Variants in SIPA1L3 observed in about 807,000 individuals in gnomAD.
SIPA1L3 encodes signal-induced proliferation-associated 1-like protein 3.
A neutral mutation model predicts 150.1 loss-of-function variants in SIPA1L3; 59 were observed. That is an observed-to-expected ratio of 0.39 (90% CI 0.32 to 0.49). The LOEUF (loss-of-function observed/expected upper bound fraction) is 0.49, where lower values mean the gene tolerates loss of function less well. Among genes scored for constraint, SIPA1L3 ranks in the 20% least tolerant of loss-of-function variants. The pLI is 0.86. For synonymous variants in SIPA1L3, 1,070 were observed against 1,077.6 expected, an observed-to-expected ratio of 0.99 and a Z score of 0.14; for missense variants, 2,211 against 2,489.5, an observed-to-expected ratio of 0.89 and a Z score of 2.38.
At chr19:38,121,635 A>T (rs549889288) in intron 9 of SIPA1L3, among the ~76,000 whole-genome samples, 1 of 152,150 alleles carries the variant, frequency 6.6e-6, no homozygotes, top group East Asian at 1.9e-4. Context: ...GCTACTCGGG[A>T]GGCTGAGGCA....
chr19:38,011,896 A>G (rs1568501439), intron 1 of SIPA1L3, among the ~76,000 whole-genome samples: 2 of 151,898 alleles, frequency 1.3e-5, no homozygotes, highest in African/African-American at 4.8e-5. Flanking sequence ...AAGAAAGGAA[A>G]TGAATTCAGG....
intron 9 of SIPA1L3, among the ~76,000 whole-genome samples, chr19:38,122,500 A>ATGGTGTCCTTTCTGGTCCTTCTTACCCC: frequency 6.6e-6 from 1 of 151,832 alleles, no homozygotes; most frequent in South Asian, 2.1e-4. Context: ...GACACTTTCG[A>ATGGTGTCCTTTCTGGTCCTTCTTACCCC]TGGTGTCCTT....
At chr19:38,138,134 T>TA (rs59553756) in intron 10 of SIPA1L3, among the ~76,000 whole-genome samples, 8,754 of 145,136 alleles carry the variant, frequency 0.06, 329 homozygotes, top group East Asian at 0.13. Flanking sequence ...CTGTCTCAAA[T>TA]AAAAAAAAAA....
At chr19:38,193,434 G>T in intron 17 of SIPA1L3, 103 bp from the exon 18 acceptor site, 2 of 1,310,418 alleles carry the variant, frequency 1.5e-6, no homozygotes, top group Non-Finnish European at 2.0e-6. Flanking sequence ...ATGCTGGGTA[G>T]GTAAGGACTC....
chr19:38,100,753 G>A (rs1000028795), intron 5 of SIPA1L3, among the ~76,000 whole-genome samples: 4 of 152,214 alleles, frequency 2.6e-5, no homozygotes, highest in African/African-American at 4.8e-5. Context: ...GTGGGATGCC[G>A]GCCAAGGCAA....
At chr19:37,945,952 C>T (rs967790718) in intron 1 of SIPA1L3, among the ~76,000 whole-genome samples, 51 of 151,758 alleles carry the variant, frequency 3.4e-4, no homozygotes, top group African/African-American at 1.2e-3. Context: ...GTCAGGAGTT[C>T]AAGACCAGCC....
chr19:37,996,208 G>A (rs947257409), intron 1 of SIPA1L3, among the ~76,000 whole-genome samples: 4 of 152,080 alleles, frequency 2.6e-5, no homozygotes, highest in South Asian at 2.1e-4. Context: ...GATTATAGGC[G>A]TGAGCCAGCA....
intron 1 of SIPA1L3, among the ~76,000 whole-genome samples, chr19:37,914,990 A>G (rs182327571): frequency 1.2e-4 from 19 of 152,302 alleles, no homozygotes; most frequent in Non-Finnish European, 1.9e-4. Context: ...CTTCACCTGC[A>G]TTCTAAACTC....
chr19:38,010,935 C>T (rs1402270503), intron 1 of SIPA1L3, among the ~76,000 whole-genome samples: 1 of 152,166 alleles, frequency 6.6e-6, no homozygotes, highest in African/African-American at 2.4e-5. Flanking sequence ...ATGGCAATGA[C>T]CAACAAACAG....
At chr19:38,111,847 G>A (rs1352101838) in intron 8 of SIPA1L3, among the ~76,000 whole-genome samples, 2 of 152,236 alleles carry the variant, frequency 1.3e-5, no homozygotes, top group African/African-American at 2.4e-5. Context: ...ACCCTTGGAT[G>A]AGATGGGAGA....
chr19:38,176,062 C>G (rs1408424014), intron 15 of SIPA1L3, among the ~76,000 whole-genome samples: 1 of 152,144 alleles, frequency 6.6e-6, no homozygotes. Context: ...CAAAAATTAG[C>G]CAGGCATAAT....
intron 1 of SIPA1L3, among the ~76,000 whole-genome samples, chr19:38,002,052 T>C (rs1248816921): frequency 6.6e-6 from 1 of 152,214 alleles, no homozygotes; most frequent in Non-Finnish European, 1.5e-5. Context: ...ACATTACTGA[T>C]AGATATAGTT....
At chr19:38,114,955 T>C (rs866379375) in intron 8 of SIPA1L3, among the ~76,000 whole-genome samples, 2 of 152,216 alleles carry the variant, frequency 1.3e-5, no homozygotes, top group African/African-American at 4.8e-5. Flanking sequence ...TGCCAATCTG[T>C]TGTCCCTCTG....
At chr19:38,168,570 C>T (rs1362895618) in intron 15 of SIPA1L3, among the ~76,000 whole-genome samples, 1 of 152,064 alleles carries the variant, frequency 6.6e-6, no homozygotes, top group East Asian at 1.9e-4. Flanking sequence ...CCTCAGGTCT[C>T]GATTGCAGTA....
At chr19:38,181,560 T>C (rs1176128432) in intron 15 of SIPA1L3, among the ~76,000 whole-genome samples, 2 of 151,622 alleles carry the variant, frequency 1.3e-5, no homozygotes, top group African/African-American at 4.8e-5. Context: ...TAGAAAAAGG[T>C]TGACCGGGTG....
chr19:38,165,346 G>A (rs962626997), intron 15 of SIPA1L3, among the ~76,000 whole-genome samples: 1 of 152,188 alleles, frequency 6.6e-6, no homozygotes, highest in African/African-American at 2.4e-5. Flanking sequence ...AGAGAAGGCA[G>A]AGCCAGGCTA....
At chr19:38,172,570 G>C (rs1255999615) in intron 15 of SIPA1L3, among the ~76,000 whole-genome samples, 1 of 152,162 alleles carries the variant, frequency 6.6e-6, no homozygotes, top group Non-Finnish European at 1.5e-5. Flanking sequence ...GATCCAGGCA[G>C]TGGAAACAGT....
chr19:38,137,291 C>T (rs1015779343), intron 10 of SIPA1L3, among the ~76,000 whole-genome samples: 3 of 152,042 alleles, frequency 2.0e-5, no homozygotes, highest in Non-Finnish European at 2.9e-5. Flanking sequence ...CAGGTTCAAG[C>T]GATCCTCCTG....
chr19:38,089,328 C>CAAAA (rs55806031), intron 4 of SIPA1L3, among the ~76,000 whole-genome samples: 2 of 64,286 alleles, frequency 3.1e-5, no homozygotes, highest in African/African-American at 1.0e-4. Context: ...GACTGTGTCT[C>CAAAA]AAAAAAAAAA....
Sources: gnomAD v4.1 joint callset for allele counts (sites outside exome capture counted in the v4.1 genomes callset) on GRCh38, gnomAD v4.1.1 for gene constraint, MANE v1.5 for transcripts, NCBI Gene and HGNC (gene_info 2026-07-23, HGNC 2026-07-21) for gene names.